GLIS3: variants seen among roughly 807,000 people sequenced by gnomAD.
The protein encoded by GLIS3 is zinc finger protein GLIS3.
A neutral mutation model predicts 78.6 loss-of-function variants in GLIS3; 53 were observed. That is an observed-to-expected ratio of 0.67 (90% confidence interval 0.54 to 0.85). The LOEUF (loss-of-function observed/expected upper bound fraction) is 0.85, where lower values mean the gene tolerates loss of function less well. GLIS3 is among the 40% of genes least tolerant of loss of function. The pLI is 0.00. For missense variants in GLIS3, 1,703 were observed against 1,231.1 expected, an observed-to-expected ratio of 1.38 and a Z score of -5.74; for synonymous variants, 684 against 509.9, an observed-to-expected ratio of 1.34 and a Z score of -4.60.
At chr9:4,203,377 T>G (rs1165429336) in intron 2 of GLIS3, among the ~76,000 whole-genome samples, 1 of 152,196 alleles carries the variant, frequency 6.6e-6, no homozygotes, top group Non-Finnish European at 1.5e-5. Context: ...ATGCTGTCAG[T>G]GGGAATGCAA....
chr9:3,875,542 T>C (rs973689895), intron 8 of GLIS3: 9 of 152,162 alleles, frequency 5.9e-5, no homozygotes, highest in Non-Finnish European at 1.3e-4. Flanking sequence ...CTATTTCCGT[T>C]AAGAAAACTG....
intron 4 of GLIS3, among the ~76,000 whole-genome samples, chr9:3,983,069 G>C (rs1298436387): frequency 6.6e-6 from 1 of 152,164 alleles, no homozygotes; most frequent in Non-Finnish European, 1.5e-5. Context: ...ATCTCATCTT[G>C]AATTATAACT....
chr9:4,000,452 T>C lies in GLIS3; in HGVS notation c.1711-63263A>G, dbSNP rs1588426666. On this transcript the variant is annotated intron_variant, in intron 4 of 10. Transcript: ENST00000381971. ...GATCAAGAATCATCTGTCTCTGAAA[T>C]TGGATGTTGGATTCATCAGTGTTAT... Among the ~76,000 whole-genome samples, 13 of 152,282 alleles carry C rather than the reference T, an allele frequency of 8.5e-5. 1 individual carries two copies. In the South Asian group the frequency reaches 2.7e-3, roughly 32 times the overall value.
chr9:3,893,892 G>C (rs527379490), intron 7 of GLIS3, among the ~76,000 whole-genome samples: 1 of 152,334 alleles, frequency 6.6e-6, no homozygotes, highest in South Asian at 2.1e-4. Flanking sequence ...CTCAGGACTA[G>C]AGGTGGGGGC....
chr9:3,909,501 C>A (rs556598509), intron 6 of GLIS3, among the ~76,000 whole-genome samples: 2 of 152,260 alleles, frequency 1.3e-5, no homozygotes, highest in African/African-American at 4.8e-5. Context: ...TCTTTGGGAA[C>A]AGAAGTGTCC....
chr9:4,300,446 C>G (rs896343867), upstream of GLIS3, among the ~76,000 whole-genome samples: 1 of 152,054 alleles, frequency 6.6e-6, no homozygotes, highest in Non-Finnish European at 1.5e-5. Context: ...GAGAATAACA[C>G]AGTGAAAAAT....
intron 9 of GLIS3, among the ~76,000 whole-genome samples, chr9:3,838,853 T>C (rs1168925882): frequency 1.3e-5 from 2 of 152,184 alleles, no homozygotes; most frequent in Non-Finnish European, 2.9e-5. Flanking sequence ...CTGGGGACCC[T>C]TGACCTGCTG....
chr9:3,912,824 A>G (rs1395162309), intron 6 of GLIS3, among the ~76,000 whole-genome samples: 1 of 152,214 alleles, frequency 6.6e-6, no homozygotes, highest in Non-Finnish European at 1.5e-5. Flanking sequence ...TTTGCCATGA[A>G]AAACATCCCC....
chr9:4,371,336 C>A, the GLIS3 span, among the ~76,000 whole-genome samples: 1 of 152,128 alleles, frequency 6.6e-6, no homozygotes, highest in Non-Finnish European at 1.5e-5. Flanking sequence ...TATGGGCTGT[C>A]CCCGAAGGCC....
chr9:4,236,195 A>AAAAG (rs1822722100), intron 2 of GLIS3, among the ~76,000 whole-genome samples: 1 of 146,156 alleles, frequency 6.8e-6, no homozygotes, highest in African/African-American at 2.5e-5. Context: ...AAAAAAAAAA[A>AAAAG]AAAAAAAAAA....
intron 2 of GLIS3, among the ~76,000 whole-genome samples, chr9:4,232,484 T>C (rs916826443): frequency 6.6e-6 from 1 of 152,090 alleles, no homozygotes; most frequent in African/African-American, 2.4e-5. Context: ...ATGTTTACTC[T>C]GCCATTTACT....
chr9:3,996,736 G>A (rs2129860511), intron 4 of GLIS3, among the ~76,000 whole-genome samples: 1 of 152,092 alleles, frequency 6.6e-6, no homozygotes, highest in Middle Eastern at 3.4e-3. Flanking sequence ...AATGAATGAA[G>A]TCCAACATTG....
chr9:4,473,773 A>C, the GLIS3 span, among the ~76,000 whole-genome samples: 1 of 152,268 alleles, frequency 6.6e-6, no homozygotes, highest in African/African-American at 2.4e-5. Context: ...ATGCACCCCT[A>C]AACTTAAAAG....
intron 4 of GLIS3, among the ~76,000 whole-genome samples, chr9:3,966,882 A>G (rs1356478433): frequency 6.6e-6 from 1 of 151,944 alleles, no homozygotes; most frequent in African/African-American, 2.4e-5. Context: ...TTTTTTAGTA[A>G]ATTAACTGAG....
chr9:4,405,427 A>T, the GLIS3 span, among the ~76,000 whole-genome samples: 1 of 149,672 alleles, frequency 6.7e-6, no homozygotes, highest in Non-Finnish European at 1.5e-5. Context: ...TCAAATGATC[A>T]TTAGTGGCTA....
intron 9 of GLIS3, 66 bp from the exon 10 acceptor site, chr9:3,829,558 C>A (rs1181790746): frequency 6.5e-7 from 1 of 1,534,358 alleles, no homozygotes; most frequent in African/African-American, 1.4e-5. Context: ...TCATTCCAAC[C>A]CAGCTAGAAC....
intron 4 of GLIS3, among the ~76,000 whole-genome samples, chr9:3,953,774 T>TA (rs1204472052): frequency 4.2e-3 from 155 of 36,902 alleles, no homozygotes; most frequent in African/African-American, 0.016. Flanking sequence ...TCTCTCTCTC[T>TA]CTCTCTCTCT....
At chr9:4,233,845 CAGT>C (rs1563800691) in intron 2 of GLIS3, among the ~76,000 whole-genome samples, 1 of 152,224 alleles carries the variant, frequency 6.6e-6, no homozygotes, top group Non-Finnish European at 1.5e-5. Flanking sequence ...CCATCATCAT[CAGT>C]GATTTTAGTT....
intron 4 of GLIS3, among the ~76,000 whole-genome samples, chr9:4,091,234 G>A (rs1588649382): frequency 6.6e-6 from 1 of 151,970 alleles, no homozygotes; most frequent in Non-Finnish European, 1.5e-5. Context: ...AGACGTGGTG[G>A]TGTACATCTG....
Sources: allele counts gnomAD v4.1 joint callset (sites outside exome capture counted in the v4.1 genomes callset), GRCh38; gene constraint gnomAD v4.1.1; transcripts MANE v1.5; gene names NCBI Gene and HGNC (gene_info 2026-07-23, HGNC 2026-07-21).